The following TMEM200A variants were observed in gnomAD, a reference collection of about 807,000 sequenced individuals.
TMEM200A encodes the protein transmembrane protein 200A.
In TMEM200A, 12 loss-of-function variants were observed where a neutral mutation model predicts 24.3. That is an observed-to-expected ratio of 0.49 (90% confidence interval 0.32 to 0.80). The LOEUF is 0.80. Ranked by LOEUF, TMEM200A falls within the 30% of genes least tolerant of loss-of-function variation. The probability of loss-of-function intolerance (pLI) is 0.04; values close to 1 mark genes in which losing one functional copy is unlikely to be tolerated. For synonymous variants in TMEM200A, 224 were observed against 224.4 expected (o/e 1.00, Z 0.02); for missense variants, 545 against 614.4 (o/e 0.89, Z 1.19).
chr6:130,427,754 G>A (rs1030445294), intron 2 of TMEM200A, among the ~76,000 whole-genome samples: 28 of 150,870 alleles, frequency 1.9e-4, no homozygotes, highest in African/African-American at 6.3e-4. Flanking sequence ...CCAATTACTA[G>A]TGAAGTTAAT....
intron 1 of TMEM200A, among the ~76,000 whole-genome samples, chr6:130,375,159 A>C (rs1778422166): frequency 6.6e-6 from 1 of 152,206 alleles, no homozygotes; most frequent in South Asian, 2.1e-4. Flanking sequence ...CTCAGTCAGT[A>C]ATTTTGAACA....
chr6:130,413,895 T>C (rs1779388452), intron 2 of TMEM200A, among the ~76,000 whole-genome samples: 1 of 152,194 alleles, frequency 6.6e-6, no homozygotes, highest in South Asian at 2.1e-4. Flanking sequence ...GCTTAGAATA[T>C]CATTATCTTC....
chr6:130,365,970 A>T, upstream of TMEM200A: 1 of 902,956 alleles, frequency 1.1e-6, no homozygotes, highest in African/African-American at 3.7e-5. Context: ...CCCGCCCCCA[A>T]CCCGCCTCTT....
chr6:130,384,951 A>G (rs896520994), intron 1 of TMEM200A, among the ~76,000 whole-genome samples: 1 of 152,176 alleles, frequency 6.6e-6, no homozygotes, highest in Admixed American at 6.5e-5. Flanking sequence ...TCTTTTTGCA[A>G]ATGGATTTAT....
chr6:130,406,804 G>T (rs554328488), intron 2 of TMEM200A, among the ~76,000 whole-genome samples: 63 of 152,194 alleles, frequency 4.1e-4, no homozygotes, highest in Admixed American at 1.6e-3. Flanking sequence ...TTTCCTTTAA[G>T]ACTCAAATCT....
chr6:130,369,876 A>AG (rs910894451), intron 1 of TMEM200A, among the ~76,000 whole-genome samples: 1 of 152,144 alleles, frequency 6.6e-6, no homozygotes, highest in African/African-American at 2.4e-5. Context: ...AAGTGCACCA[A>AG]GGGGGGACAA....
At chr6:130,415,923 CAA>C (rs1259102880) in intron 2 of TMEM200A, among the ~76,000 whole-genome samples, 8 of 152,034 alleles carry the variant, frequency 5.3e-5, no homozygotes, top group Non-Finnish European at 7.4e-5. Flanking sequence ...TTCAGGGTTT[CAA>C]AGTGTTTTAT....
chr6:130,441,800 C>T lies in TMEM200A; in HGVS notation c.1378C>T (p.Leu460Phe). 6.2e-7 allele frequency: 1 copy of T among 1,614,046 alleles called. No homozygotes were observed. Among genetic ancestry groups the T allele is most frequent in the South Asian group, 1.1e-5 (1 of 91,054 alleles). The change falls in exon 3 of 3, where the codon CTT (leucine) becomes TTT (phenylalanine). Residue 460 changes from leucine to phenylalanine, a missense_variant. By Grantham distance (22) the Leu-to-Phe change is conservative (BLOSUM62 0). Transcript: ENST00000296978. ...IKKDFTNKEK[L>F]LMISRSHNNL... ...AAAGGACTTTACCAATAAGGAGAAG[C>T]TTCTTATGATTTCAAGATCTCACAA...
chr6:130,435,924 T>G (rs1485493341), intron 2 of TMEM200A, among the ~76,000 whole-genome samples: 1 of 152,180 alleles, frequency 6.6e-6, no homozygotes, highest in Non-Finnish European at 1.5e-5. Flanking sequence ...GGCCAGATAC[T>G]CACCCAAGGT....
Position 130,441,760 on chromosome 6 carries a change from C to T in TMEM200A, c.1338C>T (p.Pro446=), listed in dbSNP as rs1314510261. 1 of 1,613,834 alleles carries T rather than the reference C, an allele frequency of 6.2e-7. No individual in the cohort carries two copies. Among genetic ancestry groups the T allele is most frequent in the African/African-American group, 1.3e-5 (1 of 74,876 alleles). The part of the protein sequence containing the change: ...KEDPMDRLLV[P]QVAIKKDFTN... Reference sequence around the variant, plus strand: ...ACCCGATGGATAGGTTGCTTGTGCCCCAAGTTGCCATCAAAAAGGACTTTA... The same window carrying T: ...ACCCGATGGATAGGTTGCTTGTGCCTCAAGTTGCCATCAAAAAGGACTTTA... Residue 446 remains proline (P), a synonymous_variant, in exon 3 of 3, where the codon CCC becomes CCT. Transcript: ENST00000296978.
Position 130,440,722 on chromosome 6 carries a change from T to C in TMEM200A, c.300T>C (p.Asn100=), listed in dbSNP as rs12207253. The change falls in exon 3 of 3, where the codon AAT becomes AAC. Residue 100 remains asparagine, a synonymous_variant. Coordinates refer to ENST00000296978, the MANE Select transcript of TMEM200A (RefSeq NM_001258277.2). ...ATGCTGAAACAACACTGTCAACAAATGAAACTCAGGTCATTCGGAATGAAG... is the reference window on the plus strand; with the variant it reads ...ATGCTGAAACAACACTGTCAACAAACGAAACTCAGGTCATTCGGAATGAAG... ...FIDAETTLST[N]ETQVIRNEGG... 0.036 allele frequency: 57,904 copies of C among 1,614,020 alleles called. 1,240 individuals carry two copies. Among genetic ancestry groups the C allele is most frequent in the Non-Finnish European group, 0.043 (50,336 of 1,179,972 alleles).
intron 1 of TMEM200A, among the ~76,000 whole-genome samples, chr6:130,383,664 T>C (rs1350684867): frequency 6.6e-6 from 1 of 152,242 alleles, no homozygotes; most frequent in African/African-American, 2.4e-5. Flanking sequence ...GGCATCAAGG[T>C]AAAAATGAAT....
rs528456495 is a variant in TMEM200A at position 130,381,675 on chromosome 6, G to GGAT, written c.-80-3494_-80-3492dup. 1.3e-3 allele frequency among the ~76,000 whole-genome samples: 193 copies of GGAT among 152,338 alleles called. 2 individuals carry two copies. The highest frequency in any genetic ancestry group is 4.4e-3 in the African/African-American group (183 of 41,576). ...TGCCTTGTGCTATGCCATACAGACA[G>GGAT]GATGATATTGTACCTGGATGATGGG... On this transcript the variant is annotated intron_variant, in intron 1 of 2. Transcript: ENST00000296978.
At chr6:130,375,696 T>C (rs1295444766) in intron 1 of TMEM200A, among the ~76,000 whole-genome samples, 1 of 152,124 alleles carries the variant, frequency 6.6e-6, no homozygotes, top group Non-Finnish European at 1.5e-5. Flanking sequence ...GCCTCACATA[T>C]TTGGGGAGGG....
At chr6:130,391,249 TA>T (rs1236763892) in intron 2 of TMEM200A, among the ~76,000 whole-genome samples, 1 of 152,234 alleles carries the variant, frequency 6.6e-6, no homozygotes, top group Non-Finnish European at 1.5e-5. Flanking sequence ...TTATCAGTTA[TA>T]ATACCTATGT....
In TMEM200A at chr6:130,366,643, G is replaced by A; in HGVS notation, c.-81+119G>A. ...CCTCCCCTCCGCTACAGCCTCCAGAGTTAGGTAAACGCTGTCTCTCCTAAA... is the reference window on the plus strand; with the variant it reads ...CCTCCCCTCCGCTACAGCCTCCAGAATTAGGTAAACGCTGTCTCTCCTAAA... On this transcript the variant is annotated intron_variant, in intron 1 of 2. Transcript: ENST00000296978. This position sits in a 1 kb window ranked among gnomAD's most constrained non-coding sequence, Gnocchi z 4.4. The A allele has an allele frequency of 1.1e-6, 1 of 876,010 alleles. No homozygotes were observed. The allele number at this position is 876,010 out of a possible 1,614,324, so 54.3% of individuals were successfully genotyped here. A position where few individuals can be genotyped will look rare whatever the true frequency, so the allele number is the denominator to read the frequency against.
At chr6:130,436,875 C>T (rs908853265) in intron 2 of TMEM200A, among the ~76,000 whole-genome samples, 57 of 151,928 alleles carry the variant, frequency 3.8e-4, no homozygotes, top group African/African-American at 1.3e-3. Flanking sequence ...TGGTCTTGAA[C>T]TGCTGGCCAC....
At chr6:130,409,726 G>T (rs459487) in intron 2 of TMEM200A, among the ~76,000 whole-genome samples, 1 of 152,096 alleles carries the variant, frequency 6.6e-6, no homozygotes, top group African/African-American at 2.4e-5. Flanking sequence ...CAGTGACCTA[G>T]AATTTGGGAG....
At chr6:130,374,229 C>G (rs534337208) in intron 1 of TMEM200A, among the ~76,000 whole-genome samples, 33 of 152,178 alleles carry the variant, frequency 2.2e-4, no homozygotes, top group African/African-American at 6.5e-4. Flanking sequence ...GCCTCTGTAG[C>G]CTTGGATATT....
Sources: gnomAD v4.1 joint callset for allele counts (sites outside exome capture counted in the v4.1 genomes callset) on GRCh38, gnomAD v4.1.1 for gene constraint, Gnocchi (gnomAD v3.1) non-coding constraint, MANE v1.5 for transcripts, NCBI Gene and HGNC (gene_info 2026-07-23, HGNC 2026-07-21) for gene names.